Variants in ABI2 observed in about 807,000 individuals in gnomAD.
ABI2 encodes abelson interactor 2.
ABI2 carries 25 observed loss-of-function variants against 59.2 expected under a neutral mutation model. The observed-to-expected ratio is 0.42, with a 90% CI of 0.31 to 0.59. ABI2 has a LOEUF of 0.59. Among genes scored for constraint, ABI2 ranks in the 20% least tolerant of loss-of-function variants. The pLI, the probability that ABI2 is intolerant of heterozygous loss-of-function variation, is 0.14. For missense variants in ABI2, 545 were observed against 681.8 expected, an observed-to-expected ratio of 0.80 and a Z score of 2.23; for synonymous variants, 213 against 235.5, an observed-to-expected ratio of 0.90 and a Z score of 0.87.
chr2:203,339,864 T>A (rs1017288714), intron 1 of ABI2, among the ~76,000 whole-genome samples: 1 of 152,196 alleles, frequency 6.6e-6, no homozygotes, highest in African/African-American at 2.4e-5. Flanking sequence ...CCCCCAAGTA[T>A]ACCCAAATCT....
chr2:203,379,315 A>G (rs1437624092), intron 2 of ABI2, among the ~76,000 whole-genome samples: 1 of 152,124 alleles, frequency 6.6e-6, no homozygotes, highest in Non-Finnish European at 1.5e-5. Flanking sequence ...TGGTGCATTC[A>G]TGGCTCACTG....
At chr2:203,425,948 G>C (rs575405359) in intron 11 of ABI2, among the ~76,000 whole-genome samples, 1 of 151,044 alleles carries the variant, frequency 6.6e-6, no homozygotes, top group African/African-American at 2.4e-5. Flanking sequence ...TTGAACCTGG[G>C]ACATGGAGGT....
intron 1 of ABI2, among the ~76,000 whole-genome samples, chr2:203,359,636 G>C (rs553668821): frequency 6.6e-6 from 1 of 152,116 alleles, no homozygotes; most frequent in African/African-American, 2.4e-5. Context: ...AGATCAAGAC[G>C]TCAGCAGATT....
intron 2 of ABI2, among the ~76,000 whole-genome samples, chr2:203,369,898 G>C (rs535310490): frequency 1.1e-5 from 1 of 88,902 alleles, no homozygotes; most frequent in Non-Finnish European, 2.2e-5. Context: ...TCTAGCATTT[G>C]CCTCAAGGAT....
At chr2:203,424,545 C>T (rs1000419724) in intron 11 of ABI2, among the ~76,000 whole-genome samples, 12 of 152,066 alleles carry the variant, frequency 7.9e-5, no homozygotes, top group African/African-American at 9.7e-5. Context: ...CAGACGTGCA[C>T]CACCATGCCT....
intron 5 of ABI2, among the ~76,000 whole-genome samples, 188 bp downstream of exon 5, chr2:203,391,331 A>G: frequency 6.6e-6 from 1 of 152,172 alleles, no homozygotes; most frequent in African/African-American, 2.4e-5. Flanking sequence ...TTTGTTTAGA[A>G]ATTGTTTTTC....
chr2:203,388,261 ATTGT>A (rs1170713797), intron 4 of ABI2, among the ~76,000 whole-genome samples: 7 of 152,222 alleles, frequency 4.6e-5, no homozygotes, highest in African/African-American at 7.2e-5. Flanking sequence ...ATAAAATTAG[ATTGT>A]TTGGACATTC....
At chr2:203,351,912 T>A (rs1247112066) in intron 1 of ABI2, among the ~76,000 whole-genome samples, 1 of 152,182 alleles carries the variant, frequency 6.6e-6, no homozygotes, top group African/African-American at 2.4e-5. Flanking sequence ...GCATATATGA[T>A]GGTGGTCCCA....
intron 3 of ABI2, 150 bp from the exon 4 acceptor site, chr2:203,382,039 T>C (rs1033501797): frequency 1.6e-6 from 1 of 620,820 alleles, no homozygotes; most frequent in Non-Finnish European, 2.7e-6. Context: ...TAACCACTCT[T>C]TCTATGATCT....
At chr2:203,408,690 G>T in intron 9 of ABI2, among the ~76,000 whole-genome samples, 1 of 151,956 alleles carries the variant, frequency 6.6e-6, no homozygotes, top group South Asian at 2.1e-4. Flanking sequence ...TCTGTTACAC[G>T]GAAGGTTAGG....
chr2:203,346,101 G>GATC (rs1212927040), intron 1 of ABI2, among the ~76,000 whole-genome samples: 1 of 150,920 alleles, frequency 6.6e-6, no homozygotes, highest in Non-Finnish European at 1.5e-5. Flanking sequence ...AGTGAATGGA[G>GATC]ATCATGCCAT....
intron 1 of ABI2, among the ~76,000 whole-genome samples, chr2:203,365,367 T>C (rs913987011): frequency 2.0e-5 from 3 of 152,162 alleles, no homozygotes; most frequent in Admixed American, 2.0e-4. Context: ...ATGTATTGTT[T>C]AGTCAGCCTC....
chr2:203,355,901 G>C (rs774709338), intron 1 of ABI2, among the ~76,000 whole-genome samples: 2 of 146,740 alleles, frequency 1.4e-5, no homozygotes, highest in Non-Finnish European at 3.0e-5. Flanking sequence ...ACTTTCACTA[G>C]ATGGTTTGAC....
intron 2 of ABI2, among the ~76,000 whole-genome samples, chr2:203,373,111 C>T (rs920426210): frequency 5.9e-5 from 9 of 152,112 alleles, no homozygotes; most frequent in African/African-American, 9.7e-5. Flanking sequence ...CCAAGGCAGG[C>T]GGCTGGGAGG....
chr2:203,398,820 A>G (rs1313385764), intron 8 of ABI2, among the ~76,000 whole-genome samples: 2 of 151,610 alleles, frequency 1.3e-5, no homozygotes, highest in Admixed American at 1.3e-4. Context: ...AGCTTTTTTG[A>G]TCTGTTTTTT....
intron 1 of ABI2, among the ~76,000 whole-genome samples, chr2:203,349,312 A>G (rs1248161028): frequency 2.0e-5 from 3 of 152,178 alleles, no homozygotes; most frequent in Non-Finnish European, 4.4e-5. Context: ...GATTAATCAC[A>G]AAATAGTCAT....
chr2:203,406,728 A>G (rs1559353148), intron 9 of ABI2, among the ~76,000 whole-genome samples: 2 of 152,156 alleles, frequency 1.3e-5, no homozygotes, highest in Admixed American at 6.5e-5. Context: ...CAGTGGCACA[A>G]TCTTGGCTCA....
intron 1 of ABI2, among the ~76,000 whole-genome samples, chr2:203,359,463 T>C (rs770165171): frequency 5.3e-5 from 8 of 152,198 alleles, no homozygotes; most frequent in Non-Finnish European, 1.2e-4. Flanking sequence ...ATCAATATTT[T>C]TAAAATCTGT....
intron 8 of ABI2, among the ~76,000 whole-genome samples, chr2:203,402,040 A>C (rs902160970): frequency 1.3e-5 from 2 of 152,106 alleles, no homozygotes; most frequent in Non-Finnish European, 2.9e-5. Context: ...GTAGCAAACT[A>C]TTTATTTATT....
Sources: gnomAD v4.1 joint callset for allele counts (sites outside exome capture counted in the v4.1 genomes callset) on GRCh38, gnomAD v4.1.1 for gene constraint, MANE v1.5 for transcripts, NCBI Gene and HGNC (gene_info 2026-07-23, HGNC 2026-07-21) for gene names.